Variants in RBSN observed in about 807,000 individuals in gnomAD.
RBSN encodes the protein rabenosyn, RAB effector.
RBSN carries 34 observed loss-of-function variants against 60.5 expected under a neutral mutation model. The ratio of observed to expected loss-of-function variants is 0.56; its 90% CI spans 0.43 to 0.75. RBSN has a LOEUF of 0.75. Ranked by LOEUF, RBSN falls within the 30% of genes least tolerant of loss-of-function variation. RBSN has a pLI of 0.00. For synonymous variants in RBSN, 322 were observed against 366.9 expected, an observed-to-expected ratio of 0.88 and a Z score of 1.40; for missense variants, 845 against 986.8, an observed-to-expected ratio of 0.86 and a Z score of 1.92.
intron 12 of RBSN, among the ~76,000 whole-genome samples, chr3:15,076,098 C>T (rs1000436066): frequency 1.3e-5 from 2 of 152,064 alleles, no homozygotes; most frequent in South Asian, 2.1e-4. Flanking sequence ...TTTATGATCT[C>T]TCTCCTTCTC....
chr3:15,098,111 C>G lies in RBSN; in HGVS notation c.-345+8G>C, dbSNP rs975557076. On this transcript the variant is annotated splice_region_variant and intron_variant, in intron 2 of 13. Coordinates refer to ENST00000253699, the MANE Select transcript of RBSN (RefSeq NM_022340.4). ...AAACCTCACTTCCTCAAAAGAAATGCCTCTTACTCAGAGCATCAGAATGGA... is the reference window on the plus strand; with the variant it reads ...AAACCTCACTTCCTCAAAAGAAATGGCTCTTACTCAGAGCATCAGAATGGA... 5 of 152,416 alleles carry G rather than the reference C, an allele frequency of 3.3e-5. No homozygotes were observed. Among genetic ancestry groups the G allele is most frequent in the Non-Finnish European group, 7.3e-5 (5 of 68,104 alleles). 9.4% of individuals were successfully genotyped at this position (152,416 alleles called of 1,614,324 possible).
rs116877714 is a variant in RBSN at position 15,091,451 on chromosome 3, T to C, written c.149-912A>G. 4.4e-4 allele frequency: 570 copies of C among 1,285,904 alleles called. 6 individuals are homozygous for C. In the East Asian group the frequency reaches 0.021, roughly 47 times the overall value. 79.7% of individuals were successfully genotyped at this position (1,285,904 alleles called of 1,614,324 possible). On this transcript the variant is annotated intron_variant, in intron 4 of 13. Coordinates refer to ENST00000253699, the MANE Select transcript of RBSN (RefSeq NM_022340.4). ...ACTGCCCACGCACTTATTGAATGCA[T>C]GTGAGAATACTTGCAAAAAGCTTCA...
At position 15,074,289 on chromosome 3, in the gene RBSN, C is replaced by A; in HGVS notation, c.1848G>T (p.Met616Ile). Residue 616 changes from methionine (M) to isoleucine (I), a missense_variant, in exon 14 of 14, where the codon ATG becomes ATT. Coordinates refer to ENST00000253699, the MANE Select transcript of RBSN (RefSeq NM_022340.4). This position sits in a 1 kb window ranked among gnomAD's most constrained non-coding sequence, Gnocchi z 6.4. ...AGGAGGGCCCCTCATGTTGCTGTGG[C>A]ATGCTGCTCTGGGGTAAGCGCTCCT... ...VGQERLPQSS[M>I]PQQHEGPSLN... 1 of 1,613,828 alleles carries A rather than the reference C, an allele frequency of 6.2e-7. No homozygotes were observed. The highest frequency in any genetic ancestry group is 8.5e-7 in the Non-Finnish European group (1 of 1,179,846).
At position 15,083,522 on chromosome 3, in the gene RBSN, AC is replaced by A. The variant is rs759590619; in HGVS notation, c.599-915del. Among the ~76,000 whole-genome samples, 90 of 152,024 alleles carry A rather than the reference AC, an allele frequency of 5.9e-4. 2 individuals carry two copies. The highest frequency in any genetic ancestry group is 4.4e-4 in the Non-Finnish European group (30 of 67,968). The stretch of plus-strand genomic sequence containing the variant: ...TCCACCTAAACTTTGTCCTCCACAC[AC>A]CCCCAACTATTCTATTTGCTCATCT... On this transcript the variant is annotated intron_variant, in intron 8 of 13. Coordinates refer to ENST00000253699, the MANE Select transcript of RBSN (RefSeq NM_022340.4).
intron 5 of RBSN, chr3:15,086,255 C>G: frequency 3.7e-6 from 1 of 272,710 alleles, no homozygotes; most frequent in African/African-American, 2.2e-5. Context: ...AGAGTGAGAC[C>G]AACTTCAGAA....
chr3:15,095,958 G>A lies in RBSN; in HGVS notation c.148+15C>T. ...TCAACGACAGCAGGGGATAGGCAAGGTCCTCGCCTCTTACTTTTAATTTGC... is the reference window on the plus strand; with the variant it reads ...TCAACGACAGCAGGGGATAGGCAAGATCCTCGCCTCTTACTTTTAATTTGC... On this transcript the variant is annotated intron_variant, in intron 4 of 13. Coordinates refer to ENST00000253699, the MANE Select transcript of RBSN (RefSeq NM_022340.4). 6.2e-7 allele frequency: 1 copy of A among 1,614,180 alleles called. No individual in the cohort carries two copies. The highest frequency in any genetic ancestry group is 2.2e-5 in the East Asian group (1 of 44,886).
At position 15,084,819 on chromosome 3, in the gene RBSN, T is replaced by C. The variant is rs200919115; in HGVS notation, c.514A>G (p.Ile172Val). 40 of 1,614,220 alleles carry C rather than the reference T, an allele frequency of 2.5e-5. No homozygotes were observed. Among genetic ancestry groups the C allele is most frequent in the Non-Finnish European group, 3.2e-5 (38 of 1,180,038 alleles). The change falls in exon 8 of 14, where the codon ATC becomes GTC. Residue 172 changes from isoleucine (I) to valine (V), a missense_variant. By Grantham distance (29) the Ile-to-Val change is conservative. Transcript: ENST00000253699. The surrounding 1 kb of genome is among the most constrained non-coding windows in gnomAD (Gnocchi z 4.2). ...CGGCAGTGGTGGCGGCGGTTCCGGA[T>C]GCTGAACTTATTCCCACAGTCTGGA... ...FCPDCGNKFS[I>V]RNRRHHCRLC...
At chr3:15,097,596 C>G (rs1456937900) in intron 2 of RBSN, among the ~76,000 whole-genome samples, 2 of 152,186 alleles carry the variant, frequency 1.3e-5, no homozygotes, top group Admixed American at 6.5e-5. Flanking sequence ...GTTACATTCT[C>G]TTTCTTACTG....
At position 15,073,564 on chromosome 3, in the gene RBSN, T is replaced by C; in HGVS notation, c.*218A>G. 1 of 503,576 alleles carries C rather than the reference T, an allele frequency of 2.0e-6. No individual in the cohort carries two copies. The highest frequency in any genetic ancestry group is 3.5e-6 in the Non-Finnish European group (1 of 288,074). The allele number at this position is 503,576 out of a possible 1,614,324, so 31.2% of individuals were successfully genotyped here. On this transcript the variant is annotated 3_prime_UTR_variant, in exon 14 of 14. Transcript: ENST00000253699. ...AATAATAAACAGGAAAAGCAGCAAC[T>C]GAATGCTGATTCTCCCTGTTCTAGT...
rs1423102248 is a variant in RBSN at position 15,073,010 on chromosome 3, G to C, written c.*772C>G. ...TTACAGGCGTGAGCCAGCGCGCCCG[G>C]CCACCACTCTTATTTTCTAAAAAGC... On this transcript the variant is annotated 3_prime_UTR_variant, in exon 14 of 14. Coordinates refer to ENST00000253699, the MANE Select transcript of RBSN (RefSeq NM_022340.4). 1.3e-5 allele frequency: 2 copies of C among 152,176 alleles called. No individual in the cohort carries two copies. Among genetic ancestry groups the C allele is most frequent in the Admixed American group, 6.5e-5 (1 of 15,268 alleles). 9.4% of individuals were successfully genotyped at this position (152,176 alleles called of 1,614,324 possible). A position where few individuals can be genotyped will look rare whatever the true frequency, so the allele number is the denominator to read the frequency against.
chr3:15,083,168 C>T (rs2043250287), intron 8 of RBSN, among the ~76,000 whole-genome samples: 2 of 152,192 alleles, frequency 1.3e-5, no homozygotes, highest in African/African-American at 4.8e-5. Context: ...GGCCACCCCA[C>T]AGCAGCTGCC....
chr3:15,088,494 C>T (rs1256394492), intron 5 of RBSN, among the ~76,000 whole-genome samples: 1 of 152,074 alleles, frequency 6.6e-6, no homozygotes, highest in Non-Finnish European at 1.5e-5. Context: ...ATTCTCCTGC[C>T]TCAGCCTCCC....
chr3:15,090,485 T>A lies in RBSN; in HGVS notation c.203A>T (p.Asp68Val), dbSNP rs1167747777. 1.2e-6 allele frequency: 2 copies of A among 1,614,198 alleles called. No individual in the cohort carries two copies. Among genetic ancestry groups the A allele is most frequent in the Non-Finnish European group, 1.7e-6 (2 of 1,180,046 alleles). The change falls in exon 5 of 14, where the codon GAT becomes GTT. Residue 68 changes from aspartate (D) to valine (V), a missense_variant. By Grantham distance (152) the Asp-to-Val change is radical. Transcript: ENST00000253699. The part of the protein sequence containing the change: ...AKDRLLKREG[D>V]DRAESGTQGY... The stretch of plus-strand genomic sequence containing the variant: ...TTGGGTCCCTGACTCTGCTCGATCA[T>A]CCCCTTCTCGTTTCAACAACCTGTC...
intron 5 of RBSN, among the ~76,000 whole-genome samples, chr3:15,089,456 CAAA>C (rs757156425): frequency 3.2e-5 from 1 of 31,448 alleles, no homozygotes; most frequent in African/African-American, 1.0e-4. Context: ...ACTCCATCTC[CAAA>C]AAAAAAAAAA....
chr3:15,090,340 C>A (rs1341125629), intron 5 of RBSN, 59 bp downstream of exon 5: 3 of 1,587,604 alleles, frequency 1.9e-6, no homozygotes, highest in Non-Finnish European at 1.7e-6. Context: ...TAAAACTTTA[C>A]CTAGAACATA....
intron 10 of RBSN, among the ~76,000 whole-genome samples, chr3:15,078,666 CAGA>C (rs1274619032): frequency 6.7e-6 from 1 of 149,090 alleles, no homozygotes; most frequent in Non-Finnish European, 1.5e-5. Context: ...GAGGCTGAGG[CAGA>C]AGAATTGCTT....
chr3:15,095,693 A>T (rs1484010718), intron 4 of RBSN: 1 of 544,644 alleles, frequency 1.8e-6, no homozygotes, highest in Admixed American at 3.5e-5. Flanking sequence ...CATTTACTAG[A>T]CTCAAAGTCA....
intron 13 of RBSN, 187 bp downstream of exon 13, chr3:15,075,419 T>C (rs898709089): frequency 3.0e-5 from 21 of 695,274 alleles, no homozygotes; most frequent in Non-Finnish European, 5.2e-5. Context: ...AAATAGGCCC[T>C]GGGGAGAAAA....
At position 15,090,420 on chromosome 3, in the gene RBSN, T is replaced by C; in HGVS notation, c.268A>G (p.Met90Val). The C allele has an allele frequency of 6.2e-7, 1 of 1,613,912 alleles. No homozygotes were observed. Among genetic ancestry groups the C allele is most frequent in the Non-Finnish European group, 8.5e-7 (1 of 1,179,976 alleles). Residue 90 changes from methionine (M) to valine (V), a missense_variant, in exon 5 of 14, where the codon ATG becomes GTG. Coordinates refer to ENST00000253699, the MANE Select transcript of RBSN (RefSeq NM_022340.4). ...TTACCAAGCTCCTGGGGTTCCCACATGTAAGGATCAACCCCTCCATAGCTG... is the reference window on the plus strand; with the variant it reads ...TTACCAAGCTCCTGGGGTTCCCACACGTAAGGATCAACCCCTCCATAGCTG... ...SFSYGGVDPY[M>V]WEPQELGAVR...
Sources: gnomAD v4.1 joint callset for allele counts (sites outside exome capture counted in the v4.1 genomes callset) on GRCh38, gnomAD v4.1.1 for gene constraint, Gnocchi (gnomAD v3.1) non-coding constraint, MANE v1.5 for transcripts, NCBI Gene and HGNC (gene_info 2026-07-23, HGNC 2026-07-21) for gene names.